Variants in IL17RA observed in about 807,000 individuals in gnomAD.
The protein encoded by IL17RA is interleukin 17 receptor A, also known as interleukin-17 receptor A.
A neutral mutation model predicts 50.4 loss-of-function variants in IL17RA; 34 were observed. The observed-to-expected ratio is 0.67, with a 90% confidence interval of 0.51 to 0.90. The LOEUF is 0.90. IL17RA is among the 40% of genes least tolerant of loss of function. The pLI, the probability that IL17RA is intolerant of heterozygous loss-of-function variation, is 0.00. For synonymous variants in IL17RA, 585 were observed against 510.4 expected (o/e 1.15, Z -1.97); for missense variants, 1,276 against 1,169.8 (o/e 1.09, Z -1.32).
intron 1 of IL17RA, among the ~76,000 whole-genome samples, chr22:17,087,565 G>A (rs920728878): frequency 3.3e-5 from 5 of 152,182 alleles, no homozygotes; most frequent in African/African-American, 1.2e-4. Flanking sequence ...AGGAAAGAAC[G>A]GTCAGCTCTG....
At position 17,110,368 on chromosome 22, in the gene IL17RA, C is replaced by T. The variant is rs2061436077; in HGVS notation, c.*548C>T. 2.2e-5 allele frequency: 4 copies of T among 179,660 alleles called. No homozygotes were observed. In the South Asian group the frequency reaches 3.1e-4, roughly 14 times the overall value. 11.1% of individuals were successfully genotyped at this position (179,660 alleles called of 1,614,324 possible). Reference sequence around the variant, plus strand: ...GAAAAATTAGCCGGGCATGGTGACACATGCCTGTAGTCCTAGCTACTTGGG... The same window carrying T: ...GAAAAATTAGCCGGGCATGGTGACATATGCCTGTAGTCCTAGCTACTTGGG... On this transcript the variant is annotated 3_prime_UTR_variant, in exon 13 of 13. Coordinates refer to ENST00000319363, the MANE Select transcript of IL17RA (RefSeq NM_014339.7).
At chr22:17,099,412 C>G (rs2061381739) in intron 4 of IL17RA, among the ~76,000 whole-genome samples, 1 of 152,100 alleles carries the variant, frequency 6.6e-6, no homozygotes. Context: ...CAGTGGGTCT[C>G]AAAGTGTGGT....
At position 17,105,484 on chromosome 22, in the gene IL17RA, C is replaced by T; in HGVS notation, c.932-107C>T. The T allele has an allele frequency of 4.7e-6, 5 of 1,066,318 alleles. No individual in the cohort carries two copies. In the South Asian group the frequency reaches 6.3e-5, roughly 13 times the overall value. The allele number at this position is 1,066,318 out of a possible 1,614,324, so 66.1% of individuals were successfully genotyped here. On this transcript the variant is annotated intron_variant, in intron 9 of 12. Transcript: ENST00000319363. ...CAACCTGGATCTAGAGTGCCTGGTG[C>T]AGGGCCAACATCATTAAAGCCCTCA...
intron 10 of IL17RA, 108 bp downstream of exon 10, chr22:17,105,710 C>A: frequency 7.3e-7 from 1 of 1,363,348 alleles, no homozygotes; most frequent in Non-Finnish European, 1.0e-6. Flanking sequence ...GAACCGAGGC[C>A]AGCCCGGGGT....
chr22:17,106,073 T>G (rs914393741), intron 11 of IL17RA, 119 bp downstream of exon 11: 2 of 785,524 alleles, frequency 2.5e-6, no homozygotes, highest in East Asian at 5.3e-5. Context: ...AACCACGTCA[T>G]AAAGCTGTTG....
At position 17,109,191 on chromosome 22, in the gene IL17RA, G is replaced by A. The variant is rs1218310098; in HGVS notation, c.1972G>A (p.Gly658Ser). 3 of 1,518,108 alleles carry A rather than the reference G, an allele frequency of 2.0e-6. No individual in the cohort carries two copies. The highest frequency in any genetic ancestry group is 2.6e-6 in the Non-Finnish European group (3 of 1,138,194). 94.0% of individuals were successfully genotyped at this position (1,518,108 alleles called of 1,614,324 possible). Reference protein sequence around the residue: ...AKLEPHLQPRGQPAPQPLHTL... With the variant: ...AKLEPHLQPRSQPAPQPLHTL... ...GCTGGAACCTCACCTGCAGCCCCGG[G>A]GTCAGCCAGCGCCGCAGCCCCTCCA... The change falls in exon 13 of 13, where the codon GGT becomes AGT. Residue 658 changes from glycine to serine, a missense_variant. Coordinates refer to ENST00000319363, the MANE Select transcript of IL17RA (RefSeq NM_014339.7).
intron 1 of IL17RA, among the ~76,000 whole-genome samples, chr22:17,087,648 C>A (rs1466397916): frequency 6.6e-6 from 1 of 152,194 alleles, no homozygotes. Context: ...ACCTCAAAAC[C>A]CAGATGACTG....
chr22:17,096,087 G>C (rs145710296), intron 1 of IL17RA, among the ~76,000 whole-genome samples: 14 of 152,118 alleles, frequency 9.2e-5, no homozygotes, highest in Admixed American at 3.3e-4. Flanking sequence ...TTTCCACCCC[G>C]GGATGCGTTT....
In IL17RA at chr22:17,108,510, C is replaced by T; in HGVS notation, c.1291C>T (p.Arg431Cys). The change falls in exon 13 of 13, where the codon CGT becomes TGT. Residue 431 changes from arginine to cysteine, a missense_variant. Coordinates refer to ENST00000319363, the MANE Select transcript of IL17RA (RefSeq NM_014339.7). ...GGCAGGAGTCATGACCTGGGTGGGCCGTCAGAAGCAGGAGATGGTGGAGAG... is the reference window on the plus strand; with the variant it reads ...GGCAGGAGTCATGACCTGGGTGGGCTGTCAGAAGCAGGAGATGGTGGAGAG... Reference protein sequence around the residue: ...SEAGVMTWVGRQKQEMVESNS... With the variant: ...SEAGVMTWVGCQKQEMVESNS... The T allele has an allele frequency of 3.1e-6, 5 of 1,612,402 alleles. No homozygotes were observed. The highest frequency in any genetic ancestry group is 1.1e-5 in the South Asian group (1 of 91,086).
At chr22:17,100,326 T>G (rs2061386156) in intron 4 of IL17RA, 29 bp from the exon 5 acceptor site, 1 of 1,613,518 alleles carries the variant, frequency 6.2e-7, no homozygotes, top group South Asian at 1.1e-5. Flanking sequence ...GTGTAATCCA[T>G]CCACCTTCCC....
intron 8 of IL17RA, 87 bp from the exon 9 acceptor site, chr22:17,104,638 AT>A (rs2061406303): frequency 2.6e-6 from 3 of 1,173,706 alleles, no homozygotes. Context: ...GCCAGCCAGG[AT>A]CCCCTCCTCT....
At chr22:17,099,863 T>C (rs2123800057) in intron 4 of IL17RA, among the ~76,000 whole-genome samples, 1 of 152,138 alleles carries the variant, frequency 6.6e-6, no homozygotes, top group South Asian at 2.1e-4. Flanking sequence ...TGGCCCAGGG[T>C]GAGTGGGGGT....
chr22:17,103,338 G>A (rs187122716), intron 7 of IL17RA, among the ~76,000 whole-genome samples, 156 bp from the exon 8 acceptor site: 1 of 152,186 alleles, frequency 6.6e-6, no homozygotes, highest in Admixed American at 6.5e-5. Flanking sequence ...CAGAAACGGA[G>A]TTTTTTTCTG....
At chr22:17,089,128 T>TC (rs1436208204) in intron 1 of IL17RA, among the ~76,000 whole-genome samples, 2 of 151,964 alleles carry the variant, frequency 1.3e-5, no homozygotes, top group African/African-American at 4.8e-5. Context: ...AGACAGGGTT[T>TC]CACCAGGTTG....
At chr22:17,094,691 C>CTCTCTATATA (rs1448096911) in intron 1 of IL17RA, among the ~76,000 whole-genome samples, 5 of 24,702 alleles carry the variant, frequency 2.0e-4, no homozygotes, top group African/African-American at 6.8e-4. Context: ...CTCTCTCTCT[C>CTCTCTATATA]TATATATATA....
In IL17RA at chr22:17,110,497, C is replaced by CA. The variant is rs35219112; in HGVS notation, c.*696dup. 2,078 of 115,522 alleles carry CA rather than the reference C, an allele frequency of 0.018. 37 individuals are homozygous for CA. The highest frequency in any genetic ancestry group is 0.052 in the African/African-American group (1,554 of 29,644). The allele number at this position is 115,522 out of a possible 1,614,324, so 7.2% of individuals were successfully genotyped here. ...TGGATGACAGAGCGAGACTCTATCT[C>CA]AAAAAAAAAAAAAAAAAAAGATGGT... On this transcript the variant is annotated 3_prime_UTR_variant, in exon 13 of 13. Coordinates refer to ENST00000319363, the MANE Select transcript of IL17RA (RefSeq NM_014339.7).
chr22:17,094,687 C>CTATATATATATATATA (rs1290093835), intron 1 of IL17RA, among the ~76,000 whole-genome samples: 2 of 43,270 alleles, frequency 4.6e-5, no homozygotes, highest in African/African-American at 2.5e-4. Context: ...CTCTCTCTCT[C>CTATATATATATATATA]TCTCTATATA....
At chr22:17,100,890 G>T (rs1190801425) in intron 5 of IL17RA, among the ~76,000 whole-genome samples, 1 of 152,080 alleles carries the variant, frequency 6.6e-6, no homozygotes, top group African/African-American at 2.4e-5. Flanking sequence ...CTTACATTCT[G>T]CCTGCATCAT....
Position 17,106,028 on chromosome 22 carries a change from C to A in IL17RA, c.1045+74C>A, listed in dbSNP as rs910314964. The A allele has an allele frequency of 4.3e-6, 5 of 1,154,720 alleles. No individual in the cohort carries two copies. In the African/African-American group the frequency reaches 4.5e-5, roughly 11 times the overall value. The allele number at this position is 1,154,720 out of a possible 1,614,324, so 71.5% of individuals were successfully genotyped here. On this transcript the variant is annotated intron_variant, in intron 11 of 12. Transcript: ENST00000319363. ...ACCACCACTCACTACCAAGGCAAAT[C>A]GCTTTATTCTCAGAGCCTCAGCTTC...
Sources: gnomAD v4.1 joint callset for allele counts (sites outside exome capture counted in the v4.1 genomes callset) on GRCh38, gnomAD v4.1.1 for gene constraint, MANE v1.5 for transcripts, NCBI Gene and HGNC (gene_info 2026-07-23, HGNC 2026-07-21) for gene names.